The following SH3BP4 variants were observed in gnomAD, a reference collection of about 807,000 sequenced individuals.
The protein encoded by SH3BP4 is SH3 domain-binding protein 4.
Under a neutral mutation model 65.5 loss-of-function variants are expected in SH3BP4, and 33 were observed. The ratio of observed to expected loss-of-function variants is 0.50; its 90% confidence interval spans 0.38 to 0.67. The LOEUF is 0.67. Among genes scored for constraint, SH3BP4 ranks in the 30% least tolerant of loss-of-function variants. The pLI is 0.00. For missense variants in SH3BP4, 1,134 were observed against 1,261.4 expected, an observed-to-expected ratio of 0.90 and a Z score of 1.53; for synonymous variants, 552 against 545.5, an observed-to-expected ratio of 1.01 and a Z score of -0.17.
At chr2:235,029,126 C>A (rs765975953) in intron 2 of SH3BP4, among the ~76,000 whole-genome samples, 1 of 152,188 alleles carries the variant, frequency 6.6e-6, no homozygotes, top group African/African-American at 2.4e-5. Context: ...GTAATTGCAT[C>A]GAGAGATGAC....
intron 2 of SH3BP4, among the ~76,000 whole-genome samples, chr2:235,028,985 G>A (rs775615348): frequency 6.6e-6 from 1 of 152,188 alleles, no homozygotes; most frequent in Non-Finnish European, 1.5e-5. Context: ...GCTGATGAGA[G>A]CCCAGGAGCC....
chr2:234,970,160 C>T (rs944529640), intron 1 of SH3BP4, among the ~76,000 whole-genome samples: 34 of 152,308 alleles, frequency 2.2e-4, no homozygotes, highest in African/African-American at 7.7e-4. Flanking sequence ...CTCACACTCC[C>T]CCTTTGTTTC....
intron 2 of SH3BP4, among the ~76,000 whole-genome samples, chr2:235,007,432 A>C (rs1694330300): frequency 6.6e-6 from 1 of 152,016 alleles, no homozygotes; most frequent in Non-Finnish European, 1.5e-5. Flanking sequence ...GAGATTTGTG[A>C]TTGTCACCAC....
At chr2:234,996,923 C>G (rs550740215) in intron 2 of SH3BP4, among the ~76,000 whole-genome samples, 8 of 151,622 alleles carry the variant, frequency 5.3e-5, no homozygotes, top group Non-Finnish European at 7.4e-5. Context: ...TTGGGCGGCA[C>G]GCATGTGGTT....
chr2:235,025,910 A>G (rs556424700), intron 2 of SH3BP4, among the ~76,000 whole-genome samples: 1 of 152,300 alleles, frequency 6.6e-6, no homozygotes, highest in South Asian at 2.1e-4. Context: ...CAAGGTCTGG[A>G]GATGTTTTGG....
At chr2:235,029,446 G>A (rs1488584216) in intron 2 of SH3BP4, among the ~76,000 whole-genome samples, 1 of 152,180 alleles carries the variant, frequency 6.6e-6, no homozygotes, top group Middle Eastern at 3.2e-3. Context: ...GAATGGGAAT[G>A]CAGCCATGTC....
At position 234,985,750 on chromosome 2, in the gene SH3BP4, C is replaced by G. The variant is rs1693532476; in HGVS notation, c.-206-9553C>G. ...CAGGGACTGTGCGCAGGTGAACCAG[C>G]CTGTGACACACGCCTACGAGCTCAA... On this transcript the variant is annotated intron_variant, in intron 1 of 5. Transcript: ENST00000392011. Among the ~76,000 whole-genome samples the G allele has an allele frequency of 2.0e-5, 3 of 152,278 alleles. No individual in the cohort carries two copies. In the South Asian group the frequency reaches 6.2e-4, roughly 32 times the overall value.
intron 2 of SH3BP4, among the ~76,000 whole-genome samples, chr2:235,029,126 C>T (rs765975953): frequency 6.6e-6 from 1 of 152,188 alleles, no homozygotes; most frequent in Non-Finnish European, 1.5e-5. Flanking sequence ...GTAATTGCAT[C>T]GAGAGATGAC....
At position 234,967,029 on chromosome 2, in the gene SH3BP4, A is replaced by G. The variant is rs1201628996; in HGVS notation, c.-207+14859A>G. ...AATAATAGTAATAGAATAGGGCTGC[A>G]TGCCATCCTGTGTTTTCAGCGCTTT... On this transcript the variant is annotated intron_variant, in intron 1 of 5. Transcript: ENST00000392011. This position sits in a 1 kb window ranked among gnomAD's most constrained non-coding sequence, Gnocchi z 4.6. Among the ~76,000 whole-genome samples the G allele has an allele frequency of 1.3e-5, 2 of 152,228 alleles. No homozygotes were observed. The highest frequency in any genetic ancestry group is 4.8e-5 in the African/African-American group (2 of 41,452).
chr2:235,001,299 A>ACCTCTG (rs1694089551), intron 2 of SH3BP4, among the ~76,000 whole-genome samples: 1 of 152,196 alleles, frequency 6.6e-6, no homozygotes, highest in Admixed American at 6.5e-5. Context: ...TTTTCTAAAG[A>ACCTCTG]GAGGGTCCAG....
In SH3BP4 at chr2:234,967,126, A is replaced by T. The variant is rs1004113005; in HGVS notation, c.-207+14956A>T. Among the ~76,000 whole-genome samples, 1 of 152,184 alleles carries T rather than the reference A, an allele frequency of 6.6e-6. No homozygotes were observed. The highest frequency in any genetic ancestry group is 2.4e-5 in the African/African-American group (1 of 41,438). On this transcript the variant is annotated intron_variant, in intron 1 of 5. Transcript: ENST00000392011. The surrounding 1 kb of genome is among the most constrained non-coding windows in gnomAD (Gnocchi z 4.6). ...TAACAGATCGGGAAACTGAGGAACCATGGGGTTTAGGGACTTGTGTGAGCT... is the reference window on the plus strand; with the variant it reads ...TAACAGATCGGGAAACTGAGGAACCTTGGGGTTTAGGGACTTGTGTGAGCT...
In SH3BP4 at chr2:235,013,197, G is replaced by A. The variant is rs189907611; in HGVS notation, c.-133+17821G>A. On this transcript the variant is annotated intron_variant, in intron 2 of 5. Coordinates refer to ENST00000392011, the MANE Select transcript of SH3BP4 (RefSeq NM_014521.3). ...AAGGCACATCTGGCCAGCGTGGGAA[G>A]GGAGGAGGTCTTCAGGCCTCCGCTG... Among the ~76,000 whole-genome samples, 1,276 of 152,318 alleles carry A rather than the reference G, an allele frequency of 8.4e-3. 8 individuals are homozygous for A. The highest frequency in any genetic ancestry group is 0.012 in the Non-Finnish European group (793 of 68,028).
intron 1 of SH3BP4, among the ~76,000 whole-genome samples, chr2:234,968,576 G>A (rs1484072608): frequency 1.3e-5 from 2 of 151,964 alleles, no homozygotes; most frequent in African/African-American, 2.4e-5. Context: ...TCTGGGACAC[G>A]GGGTTTCAGA....
At chr2:235,016,703 G>T (rs950220976) in intron 2 of SH3BP4, among the ~76,000 whole-genome samples, 11 of 152,140 alleles carry the variant, frequency 7.2e-5, no homozygotes, top group African/African-American at 2.7e-4. Context: ...TAGAGATGGG[G>T]TTTCACCATG....
chr2:234,969,306 G>A (rs903158161), intron 1 of SH3BP4, among the ~76,000 whole-genome samples: 2 of 152,180 alleles, frequency 1.3e-5, no homozygotes, highest in Admixed American at 1.3e-4. Context: ...TTGGGGAACG[G>A]TAGAGTCTGG....
chr2:235,011,592 C>G (rs901774099), intron 2 of SH3BP4, among the ~76,000 whole-genome samples: 2 of 152,212 alleles, frequency 1.3e-5, no homozygotes, highest in African/African-American at 4.8e-5. Context: ...TAGCTCTCAT[C>G]TGTGTCTTTG....
intron 1 of SH3BP4, among the ~76,000 whole-genome samples, chr2:234,987,870 G>A (rs1206061692): frequency 7.9e-5 from 12 of 152,124 alleles, no homozygotes; most frequent in Non-Finnish European, 1.5e-5. Context: ...TTTCTGTTGG[G>A]TGCAGGTCTT....
rs562147338 is a variant in SH3BP4, at chr2:235,030,932, G to T, written c.-132-3939G>T. Among the ~76,000 whole-genome samples, 64 of 152,238 alleles carry T rather than the reference G, an allele frequency of 4.2e-4. 1 individual carries two copies. The highest frequency in any genetic ancestry group is 1.5e-3 in the African/African-American group (62 of 41,526). ...AACGGCCCCAAGGGTGCGGACAGGG[G>T]GCACCTCTGTTACTCACCCCTGAAT... On this transcript the variant is annotated intron_variant, in intron 2 of 5. Coordinates refer to ENST00000392011, the MANE Select transcript of SH3BP4 (RefSeq NM_014521.3). This position sits in a 1 kb window ranked among gnomAD's most constrained non-coding sequence, Gnocchi z 4.1.
intron 2 of SH3BP4, among the ~76,000 whole-genome samples, chr2:235,004,487 A>G (rs958629597): frequency 1.7e-4 from 26 of 152,058 alleles, no homozygotes; most frequent in Non-Finnish European, 4.4e-5. Flanking sequence ...TCTCCAGAAC[A>G]TTTTTTCAAC....
Sources: gnomAD v4.1 joint callset for allele counts (sites outside exome capture counted in the v4.1 genomes callset) on GRCh38, gnomAD v4.1.1 for gene constraint, Gnocchi (gnomAD v3.1) non-coding constraint, MANE v1.5 for transcripts, NCBI Gene and HGNC (gene_info 2026-07-23, HGNC 2026-07-21) for gene names.